Variants in CSMD1 observed in about 807,000 individuals in gnomAD.
CSMD1 encodes the protein CUB and Sushi multiple domains 1.
CSMD1 carries 213 observed loss-of-function variants against 417.5 expected under a neutral mutation model. The ratio of observed to expected loss-of-function variants is 0.51; its 90% CI spans 0.46 to 0.57. CSMD1 has a LOEUF of 0.57. Ranked by LOEUF, CSMD1 falls within the 20% of genes least tolerant of loss-of-function variation. The pLI is 0.00. For missense variants in CSMD1, 6,923 were observed against 4,529.7 expected (o/e 1.53, Z -15.17); for synonymous variants, 2,862 against 1,736.8 (o/e 1.65, Z -16.11).
At chr8:4,968,088 T>A (rs188161746) in intron 1 of CSMD1, among the ~76,000 whole-genome samples, 9 of 152,290 alleles carry the variant, frequency 5.9e-5, no homozygotes, top group Admixed American at 5.9e-4. Context: ...ATAATTTGTT[T>A]CATGATGGAT....
intron 2 of CSMD1, among the ~76,000 whole-genome samples, chr8:4,490,641 A>G (rs1352623050): frequency 1.3e-5 from 2 of 152,162 alleles, no homozygotes; most frequent in South Asian, 2.1e-4. Flanking sequence ...AAAAATGCCC[A>G]TTTGACCCAT....
intron 3 of CSMD1, among the ~76,000 whole-genome samples, chr8:4,310,774 C>T (rs1798518985): frequency 6.6e-6 from 1 of 152,150 alleles, no homozygotes; most frequent in South Asian, 2.1e-4. Flanking sequence ...TGTCCATATA[C>T]AGCCTTACCA....
chr8:3,560,156 T>A (rs1380808712), intron 10 of CSMD1, among the ~76,000 whole-genome samples: 1 of 152,152 alleles, frequency 6.6e-6, no homozygotes, highest in Non-Finnish European at 1.5e-5. Flanking sequence ...ATATAACTTA[T>A]CTCTGTAAGG....
At chr8:3,652,173 C>G (rs1156891591) in intron 7 of CSMD1, among the ~76,000 whole-genome samples, 1 of 145,738 alleles carries the variant, frequency 6.9e-6, no homozygotes. Flanking sequence ...GCGCTTACCA[C>G]CATCAGAACA....
At chr8:3,826,978 T>G (rs1802091422) in intron 5 of CSMD1, among the ~76,000 whole-genome samples, 1 of 151,988 alleles carries the variant, frequency 6.6e-6, no homozygotes, top group Non-Finnish European at 1.5e-5. Flanking sequence ...GACAGAGTGT[T>G]GCTATGTTGC....
At chr8:2,995,948 A>G (rs1270502997) in intron 54 of CSMD1, among the ~76,000 whole-genome samples, 1 of 152,186 alleles carries the variant, frequency 6.6e-6, no homozygotes, top group Non-Finnish European at 1.5e-5. Flanking sequence ...GGCGGATTCT[A>G]GTGATAATGG....
chr8:4,258,227 G>C (rs1361248154), intron 3 of CSMD1, among the ~76,000 whole-genome samples: 1 of 148,288 alleles, frequency 6.7e-6, no homozygotes, highest in African/African-American at 2.5e-5. Context: ...TTAAAGGCAT[G>C]AGCCAGCACA....
At chr8:4,368,941 G>C (rs943142095) in intron 3 of CSMD1, among the ~76,000 whole-genome samples, 3 of 151,998 alleles carry the variant, frequency 2.0e-5, no homozygotes, top group South Asian at 4.1e-4. Flanking sequence ...GATTTTAGCA[G>C]TTCAATTTCA....
chr8:3,218,566 T>TAAAAAA (rs932288704), intron 29 of CSMD1, among the ~76,000 whole-genome samples: 17 of 126,740 alleles, frequency 1.3e-4, no homozygotes, highest in Admixed American at 1.3e-3. Flanking sequence ...ATCTCAAAAA[T>TAAAAAA]AAAAAAAAAA....
chr8:3,646,957 C>T (rs1381805681), intron 7 of CSMD1, among the ~76,000 whole-genome samples: 1 of 152,164 alleles, frequency 6.6e-6, no homozygotes, highest in Non-Finnish European at 1.5e-5. Flanking sequence ...ATGCATCATC[C>T]TCTCTATAAC....
intron 5 of CSMD1, among the ~76,000 whole-genome samples, chr8:3,787,246 A>T (rs1799500171): frequency 6.6e-6 from 1 of 152,190 alleles, no homozygotes; most frequent in African/African-American, 2.4e-5. Context: ...CAAAAAAAGA[A>T]TTTGAAAAAA....
intron 5 of CSMD1, among the ~76,000 whole-genome samples, chr8:3,964,701 T>C (rs551993943): frequency 6.6e-6 from 1 of 152,230 alleles, no homozygotes; most frequent in Non-Finnish European, 1.5e-5. Context: ...AGTTATTAAA[T>C]AAACGCTTCA....
intron 3 of CSMD1, among the ~76,000 whole-genome samples, chr8:4,054,377 G>C (rs73658563): frequency 0.047 from 7,133 of 152,144 alleles, 218 homozygotes; most frequent in East Asian, 0.15. Flanking sequence ...TCCCATATAG[G>C]GGATGGCCGC....
chr8:3,389,306 C>T (rs1042494986), intron 17 of CSMD1, among the ~76,000 whole-genome samples: 1 of 152,046 alleles, frequency 6.6e-6, no homozygotes, highest in Non-Finnish European at 1.5e-5. Context: ...GTGTGTTGTT[C>T]CCTCTATGTG....
At chr8:3,510,763 G>T (rs1563107703) in intron 10 of CSMD1, among the ~76,000 whole-genome samples, 1 of 151,782 alleles carries the variant, frequency 6.6e-6, no homozygotes, top group Non-Finnish European at 1.5e-5. Context: ...TGACCAGTGA[G>T]GATGAGCTTT....
chr8:4,195,101 C>G (rs891507484), intron 3 of CSMD1, among the ~76,000 whole-genome samples: 19 of 152,178 alleles, frequency 1.2e-4, no homozygotes, highest in Non-Finnish European at 5.9e-5. Context: ...AAATTGGAAA[C>G]AGAAACCAGA....
At chr8:4,377,461 A>G (rs1294339008) in intron 3 of CSMD1, among the ~76,000 whole-genome samples, 3 of 152,128 alleles carry the variant, frequency 2.0e-5, no homozygotes, top group East Asian at 1.9e-4. Context: ...TCCCCCTTAA[A>G]TTACTAACAA....
At chr8:3,713,446 C>T (rs1801642581) in intron 6 of CSMD1, among the ~76,000 whole-genome samples, 1 of 152,054 alleles carries the variant, frequency 6.6e-6, no homozygotes, top group African/African-American at 2.4e-5. Context: ...AGCGTCCTGC[C>T]CTCCTCTGTA....
At chr8:3,508,677 C>G (rs369786678) in intron 10 of CSMD1, among the ~76,000 whole-genome samples, 7 of 152,066 alleles carry the variant, frequency 4.6e-5, no homozygotes, top group African/African-American at 1.7e-4. Context: ...TCCAGCTTAT[C>G]TATTATGGAA....
Sources: allele counts gnomAD v4.1 joint callset (sites outside exome capture counted in the v4.1 genomes callset), GRCh38; gene constraint gnomAD v4.1.1; transcripts MANE v1.5; gene names NCBI Gene and HGNC (gene_info 2026-07-23, HGNC 2026-07-21).